The following HPS4 variants were observed in gnomAD, a reference collection of about 807,000 sequenced individuals.
HPS4 encodes BLOC-3 complex member HPS4.
A neutral mutation model predicts 70.3 loss-of-function variants in HPS4; 44 were observed. That is an observed-to-expected ratio of 0.63 (90% CI 0.49 to 0.80). The LOEUF (loss-of-function observed/expected upper bound fraction) is 0.80. HPS4 is among the 30% of genes least tolerant of loss of function. The probability of loss-of-function intolerance (pLI) is 0.00; values close to 1 mark genes in which losing one functional copy is unlikely to be tolerated. For synonymous variants in HPS4, 377 were observed against 355.9 expected (o/e 1.06, Z -0.67); for missense variants, 873 against 884.4 (o/e 0.99, Z 0.16).
downstream of HPS4, among the ~76,000 whole-genome samples, chr22:26,446,395 G>A (rs536155548): frequency 2.6e-5 from 4 of 152,192 alleles, no homozygotes; most frequent in African/African-American, 9.7e-5. Flanking sequence ...AGCATACTGT[G>A]GGGGAGAGGA....
At chr22:26,467,111 G>C (rs1370572885) in intron 8 of HPS4, 1 of 151,942 alleles carries the variant, frequency 6.6e-6, no homozygotes, top group African/African-American at 2.4e-5. Flanking sequence ...TCATATTTCT[G>C]CTTAAAACAG....
chr22:26,455,374 C>T (rs555572079), intron 13 of HPS4, among the ~76,000 whole-genome samples: 8 of 151,700 alleles, frequency 5.3e-5, no homozygotes, highest in Non-Finnish European at 1.0e-4. Context: ...AAATGTGGCA[C>T]ATATACACCA....
intron 9 of HPS4, chr22:26,465,892 C>T (rs1041373896): frequency 3.0e-5 from 18 of 591,716 alleles, no homozygotes; most frequent in East Asian, 1.9e-4. Flanking sequence ...CTCCTGAGGA[C>T]GCCTCCACAT....
intron 9 of HPS4, 125 bp downstream of exon 9, chr22:26,466,101 T>A (rs144912961): frequency 6.2e-7 from 1 of 1,603,672 alleles, no homozygotes; most frequent in African/African-American, 1.3e-5. Flanking sequence ...TAACATCCAT[T>A]TTCCTATTAT....
intron 6 of HPS4, 30 bp downstream of exon 6, chr22:26,472,272 T>C: frequency 7.8e-7 from 1 of 1,288,156 alleles, no homozygotes; most frequent in East Asian, 2.3e-5. Flanking sequence ...GTCTTACATA[T>C]AAAATGAATA....
chr22:26,471,000 G>T, intron 6 of HPS4, 187 bp from the exon 7 acceptor site: 1 of 1,261,284 alleles, frequency 7.9e-7, no homozygotes, highest in Non-Finnish European at 1.1e-6. Context: ...ACTCAGAACT[G>T]CTGACACCAC....
chr22:26,450,808 G>A (rs1467104294), downstream of HPS4, among the ~76,000 whole-genome samples: 2 of 152,126 alleles, frequency 1.3e-5, no homozygotes, highest in African/African-American at 4.8e-5. Flanking sequence ...GATGTGTTTG[G>A]TTCCCCTTCT....
At chr22:26,460,617 T>A (rs557996729) in intron 11 of HPS4, among the ~76,000 whole-genome samples, 2 of 152,370 alleles carry the variant, frequency 1.3e-5, no homozygotes, top group South Asian at 4.1e-4. Flanking sequence ...GCACTCAAGA[T>A]AGGATCACTT....
At chr22:26,464,906 C>T (rs996865727) in intron 10 of HPS4, 80 bp from the exon 11 acceptor site, 2 of 1,356,080 alleles carry the variant, frequency 1.5e-6, no homozygotes, top group Non-Finnish European at 2.0e-6. Context: ...AAGACTAAAG[C>T]ACAGGCATCA....
At chr22:26,457,206 ATTACTTTTT>A (rs2086290976) in intron 13 of HPS4, among the ~76,000 whole-genome samples, 1 of 93,922 alleles carries the variant, frequency 1.1e-5, no homozygotes, top group Non-Finnish European at 2.1e-5. Context: ...ATCAGCACGT[ATTACTTTTT>A]TTTTTTTTTT....
upstream of HPS4, chr22:26,483,838 G>A: frequency 7.7e-7 from 1 of 1,292,422 alleles, no homozygotes; most frequent in Non-Finnish European, 9.8e-7. Flanking sequence ...TGGCAAGCCG[G>A]CGCGCGGCGA....
At chr22:26,475,921 T>C (rs2090483647) in intron 4 of HPS4, 1 of 152,148 alleles carries the variant, frequency 6.6e-6, no homozygotes, top group Non-Finnish European at 1.5e-5. Flanking sequence ...TGCATGCCTG[T>C]GGTCCTAGCA....
At position 26,464,498 on chromosome 22, in the gene HPS4, G is replaced by C. The variant is rs369053765; in HGVS notation, c.1132C>G (p.Gln378Glu). 1.7e-5 allele frequency: 27 copies of C among 1,614,084 alleles called. No individual in the cohort carries two copies. The South Asian group carries it at 2.7e-4, about 16-fold the overall frequency. Residue 378 changes from glutamine (Q) to glutamate (E), a missense_variant, in exon 11 of 14, where the codon CAG becomes GAG. Coordinates refer to ENST00000398145, the MANE Select transcript of HPS4 (RefSeq NM_022081.6). ...DLSEIHIPEAQEVEMASGHFA... is the reference protein window; with the variant it reads ...DLSEIHIPEAEEVEMASGHFA... Reference sequence around the variant, plus strand: ...TGACCTGAGGCCATTTCCACTTCCTGAGCCTCTGGAATGTGGATTTCAGAC... The same window carrying C: ...TGACCTGAGGCCATTTCCACTTCCTCAGCCTCTGGAATGTGGATTTCAGAC...
chr22:26,463,428 C>A (rs1264914772), intron 11 of HPS4, among the ~76,000 whole-genome samples: 5 of 152,210 alleles, frequency 3.3e-5, no homozygotes, highest in Non-Finnish European at 7.3e-5. Context: ...GGAAATGAGG[C>A]CATGAGCAGG....
chr22:26,448,969 T>C (rs1188530163), downstream of HPS4, among the ~76,000 whole-genome samples: 5 of 152,178 alleles, frequency 3.3e-5, no homozygotes, highest in Non-Finnish European at 7.3e-5. Context: ...CCACACCCAC[T>C]GCCCTTTTCC....
At chr22:26,449,280 T>C (rs538181398), downstream of HPS4, among the ~76,000 whole-genome samples, 1 of 151,300 alleles carries the variant, frequency 6.6e-6, no homozygotes, top group South Asian at 2.1e-4. Context: ...ACTCAGGAGC[T>C]AGTGACCTTC....
intron 4 of HPS4, among the ~76,000 whole-genome samples, chr22:26,474,163 A>G (rs1244969735): frequency 6.6e-6 from 1 of 152,258 alleles, no homozygotes; most frequent in Non-Finnish European, 1.5e-5. Flanking sequence ...AACTTATACT[A>G]TCTGGTTTCA....
rs572621201 is a variant in HPS4, at chr22:26,482,003, G to C, written c.-241C>G. The C allele has an allele frequency of 3.9e-5, 21 of 544,370 alleles. No homozygotes were observed. Among genetic ancestry groups the C allele is most frequent in the African/African-American group, 3.8e-4 (20 of 52,574 alleles). The allele number at this position is 544,370 out of a possible 1,614,324, so 33.7% of individuals were successfully genotyped here. A position where few individuals can be genotyped will look rare whatever the true frequency, so the allele number is the denominator to read the frequency against. On this transcript the variant is annotated 5_prime_UTR_variant, in exon 2 of 14. Transcript: ENST00000398145. ...TTCCATGCCTCTTACAACTCAGGGA[G>C]AAACTATAACAGAGAATCCTAGCAG...
At chr22:26,476,226 CA>C (rs2090526689) in intron 4 of HPS4, 1 of 152,074 alleles carries the variant, frequency 6.6e-6, no homozygotes, top group East Asian at 1.9e-4. Context: ...ATAATACCTA[CA>C]AAGTTGAATA....
Sources: allele counts gnomAD v4.1 joint callset (sites outside exome capture counted in the v4.1 genomes callset), GRCh38; gene constraint gnomAD v4.1.1; transcripts MANE v1.5; gene names NCBI Gene and HGNC (gene_info 2026-07-23, HGNC 2026-07-21).